Variants in AMMECR1 observed in about 807,000 individuals in gnomAD.
The protein encoded by AMMECR1 is AMMECR nuclear protein 1.
Under a neutral mutation model 22.5 loss-of-function variants are expected in AMMECR1, and 3 were observed. The ratio of observed to expected loss-of-function variants is 0.13; its 90% CI spans 0.06 to 0.35. AMMECR1 has a LOEUF of 0.35. Among genes scored for constraint, AMMECR1 ranks in the 10% least tolerant of loss-of-function variants. The probability of loss-of-function intolerance (pLI) is 1.00; values close to 1 mark genes in which losing one functional copy is unlikely to be tolerated. For synonymous variants in AMMECR1, 130 were observed against 116.7 expected (o/e 1.11, Z -0.74); for missense variants, 235 against 278.7 (o/e 0.84, Z 1.12).
intron 2 of AMMECR1, chrX:110,224,960 T>C (rs773040541): frequency 2.8e-6 from 1 of 351,940 alleles, no homozygotes; most frequent in East Asian, 7.7e-5. Context: ...AGTTTTTCGT[T>C]TTTTAAATTA....
chrX:110,371,261 A>G (rs2068336687), intron 2 of AMMECR1, among the ~76,000 whole-genome samples: 2 of 109,849 alleles, frequency 1.8e-5, no homozygotes, highest in African/African-American at 6.6e-5. Context: ...ACATATTTTT[A>G]GTTATTGTGG....
intron 2 of AMMECR1, among the ~76,000 whole-genome samples, chrX:110,330,396 A>T (rs947668539): frequency 9.0e-6 from 1 of 111,533 alleles, no homozygotes; most frequent in Non-Finnish European, 1.9e-5. Context: ...TATGGTCTAG[A>T]ATAGTGTTAC....
chrX:110,431,386 C>A (rs1421183193), intron 1 of AMMECR1, among the ~76,000 whole-genome samples: 2 of 107,108 alleles, frequency 1.9e-5, no homozygotes, highest in Non-Finnish European at 3.8e-5. Flanking sequence ...GGAGGAATAC[C>A]AGGATTCTGA....
At chrX:110,419,478 G>A (rs2068702187) in intron 2 of AMMECR1, among the ~76,000 whole-genome samples, 1 of 112,271 alleles carries the variant, frequency 8.9e-6, no homozygotes, top group South Asian at 3.7e-4. Flanking sequence ...CCCATTTACT[G>A]CTCTGGGTAA....
chrX:110,243,584 C>A, intron 2 of AMMECR1, among the ~76,000 whole-genome samples: 1 of 112,054 alleles, frequency 8.9e-6, no homozygotes, highest in East Asian at 2.8e-4. Context: ...AGCCTTGAAA[C>A]CCAGACATTC....
chrX:110,219,512 T>C, intron 2 of AMMECR1: 1 of 751,693 alleles, frequency 1.3e-6, no homozygotes, highest in East Asian at 1.5e-4. Context: ...TCAAACTATT[T>C]GAAATCAATG....
chrX:110,382,190 A>T (rs1037575147), intron 2 of AMMECR1, among the ~76,000 whole-genome samples: 2 of 111,680 alleles, frequency 1.8e-5, no homozygotes, highest in Admixed American at 9.6e-5. Context: ...TCAGAAGGCC[A>T]TGTGGAAAAA....
chrX:110,305,699 T>A (rs2067989908), intron 1 of AMMECR1, among the ~76,000 whole-genome samples: 2 of 111,876 alleles, frequency 1.8e-5, no homozygotes, highest in Non-Finnish European at 3.8e-5. Flanking sequence ...GGTTATATAG[T>A]CTATATATAC....
At chrX:110,322,345 A>C (rs2068082204), upstream of AMMECR1, among the ~76,000 whole-genome samples, 1 of 112,043 alleles carries the variant, frequency 8.9e-6, no homozygotes, top group Non-Finnish European at 1.9e-5. Context: ...GTTGTGAACA[A>C]TCAAAACATG....
chrX:110,252,952 A>G (rs1253439422), intron 2 of AMMECR1, among the ~76,000 whole-genome samples: 1 of 112,344 alleles, frequency 8.9e-6, no homozygotes, highest in Non-Finnish European at 1.9e-5. Flanking sequence ...ATACGTGTCA[A>G]TGATAATGGC....
chrX:110,322,915 G>A (rs1376329538), upstream of AMMECR1, among the ~76,000 whole-genome samples: 1 of 111,476 alleles, frequency 9.0e-6, no homozygotes, highest in Non-Finnish European at 1.9e-5. Context: ...CCAAACTTCA[G>A]CCAGATCCTC....
rs1442755336 is a variant in AMMECR1, at chrX:110,202,485, G to A, written c.751C>T (p.Arg251Cys). 2 of 1,209,243 alleles carry A rather than the reference G, an allele frequency of 1.7e-6. No homozygotes were observed. Among genetic ancestry groups the A allele is most frequent in the Non-Finnish European group, 1.1e-6 (1 of 893,610 alleles). ...IEFINEKGSK[R>C]TATYLPEVAK... Reference sequence around the variant, plus strand: ...ACCTCCGGTAGGTAGGTGGCGGTGCGTTTTGATCCTTTTTCATTGATGAAT... The same window carrying A: ...ACCTCCGGTAGGTAGGTGGCGGTGCATTTTGATCCTTTTTCATTGATGAAT... The change falls in exon 4 of 6, where the codon CGC becomes TGC. Residue 251 changes from arginine (R) to cysteine (C), a missense_variant. Physicochemically the swap from Arg to Cys is radical, Grantham distance 180. Coordinates refer to ENST00000262844, the MANE Select transcript of AMMECR1 (RefSeq NM_015365.3).
intron 2 of AMMECR1, among the ~76,000 whole-genome samples, chrX:110,367,455 C>T (rs1431040596): frequency 9.1e-6 from 1 of 110,054 alleles, no homozygotes; most frequent in Non-Finnish European, 1.9e-5. Context: ...CTTTTTTTTT[C>T]GCCCAACAGC....
intron 2 of AMMECR1, among the ~76,000 whole-genome samples, chrX:110,357,898 C>A (rs2068238712): frequency 9.0e-6 from 1 of 111,486 alleles, no homozygotes. Context: ...GTCCCTCTCT[C>A]ACATCAGGGG....
intron 2 of AMMECR1, among the ~76,000 whole-genome samples, chrX:110,420,477 C>T (rs924016623): frequency 1.8e-5 from 2 of 112,168 alleles, no homozygotes; most frequent in Non-Finnish European, 3.8e-5. Flanking sequence ...CCACAGGGTA[C>T]AAGAAGGACT....
intron 3 of AMMECR1, among the ~76,000 whole-genome samples, chrX:110,214,217 C>T (rs1602783583): frequency 9.1e-6 from 1 of 109,721 alleles, no homozygotes; most frequent in East Asian, 2.8e-4. Context: ...GTACTGAGAT[C>T]ACGCCACTGC....
At chrX:110,420,141 C>T (rs907533963) in intron 2 of AMMECR1, among the ~76,000 whole-genome samples, 12 of 111,654 alleles carry the variant, frequency 1.1e-4, no homozygotes, top group East Asian at 2.8e-4. Context: ...ACACCTCCCA[C>T]GCCACCCCCA....
chrX:110,210,522 T>C (rs889981343), intron 3 of AMMECR1, among the ~76,000 whole-genome samples: 4 of 111,590 alleles, frequency 3.6e-5, no homozygotes, highest in Non-Finnish European at 5.6e-5. Context: ...TTACCATCTG[T>C]GTATGAATGG....
chrX:110,331,533 A>G (rs760326004), intron 2 of AMMECR1, among the ~76,000 whole-genome samples: 4 of 110,816 alleles, frequency 3.6e-5, no homozygotes, highest in African/African-American at 6.6e-5. Flanking sequence ...AAGTCCATCA[A>G]TATTACCTTA....
Sources: allele counts gnomAD v4.1 joint callset (sites outside exome capture counted in the v4.1 genomes callset), GRCh38; gene constraint gnomAD v4.1.1; transcripts MANE v1.5; gene names NCBI Gene and HGNC (gene_info 2026-07-23, HGNC 2026-07-21).